Variants in SPAG9 observed in about 807,000 individuals in gnomAD.
The protein encoded by SPAG9 is sperm associated antigen 9.
A neutral mutation model predicts 166.5 loss-of-function variants in SPAG9; 35 were observed. The ratio of observed to expected loss-of-function variants is 0.21; its 90% CI spans 0.16 to 0.28. The LOEUF (loss-of-function observed/expected upper bound fraction) is 0.28, where lower values mean the gene tolerates loss of function less well. Ranked by LOEUF, SPAG9 falls within the 10% of genes least tolerant of loss-of-function variation. The pLI, the probability that SPAG9 is intolerant of heterozygous loss-of-function variation, is 1.00. For missense variants in SPAG9, 1,235 were observed against 1,603.3 expected (o/e 0.77, Z 3.92); for synonymous variants, 534 against 565.5 (o/e 0.94, Z 0.79).
intron 5 of SPAG9, among the ~76,000 whole-genome samples, chr17:51,036,251 T>C (rs2046579696): frequency 6.6e-6 from 1 of 152,126 alleles, no homozygotes; most frequent in Admixed American, 6.6e-5. Flanking sequence ...ACAATCACCA[T>C]TTTGAGTAGT....
chr17:50,986,996 A>T (rs529804519), intron 22 of SPAG9, 116 bp downstream of exon 22: 13 of 1,008,932 alleles, frequency 1.3e-5, no homozygotes, highest in Non-Finnish European at 1.4e-5. Context: ...TGTATATATA[A>T]AATTCTTTGC....
intron 2 of SPAG9, among the ~76,000 whole-genome samples, chr17:51,058,673 G>C (rs990559197): frequency 6.6e-6 from 1 of 152,134 alleles, no homozygotes; most frequent in African/African-American, 2.4e-5. Context: ...GCATCAAACT[G>C]CCAAGCAAAA....
intron 1 of SPAG9, among the ~76,000 whole-genome samples, chr17:51,115,114 C>T (rs2049246808): frequency 1.3e-5 from 2 of 152,268 alleles, no homozygotes; most frequent in South Asian, 4.1e-4. Context: ...TTTGTTACTG[C>T]TTTAAGTGCT....
At chr17:51,084,851 T>C (rs919971564) in intron 1 of SPAG9, among the ~76,000 whole-genome samples, 3 of 121,248 alleles carry the variant, frequency 2.5e-5, no homozygotes, top group African/African-American at 5.3e-5. Flanking sequence ...TTTTGCTTTT[T>C]ATTTATTTAT....
chr17:51,120,731 C>T lies in SPAG9; in HGVS notation c.-75G>A. On this transcript the variant is annotated 5_prime_UTR_variant, in exon 1 of 30. Transcript: ENST00000262013. The surrounding 1 kb of genome is among the most constrained non-coding windows in gnomAD (Gnocchi z 4.7). ...GGCACCTGCCCGCACGGGACGGACC[C>T]GACTCGGGCTGGGACGGGTACTAGG... 1 of 1,356,820 alleles carries T rather than the reference C, an allele frequency of 7.4e-7. No individual in the cohort carries two copies. The highest frequency in any genetic ancestry group is 2.5e-4 in the Middle Eastern group (1 of 3,966). The allele number at this position is 1,356,820 out of a possible 1,614,324, so 84.0% of individuals were successfully genotyped here. A position where few individuals can be genotyped will look rare whatever the true frequency, so the allele number is the denominator to read the frequency against.
At chr17:51,081,698 C>T (rs748866320) in intron 1 of SPAG9, among the ~76,000 whole-genome samples, 2 of 151,590 alleles carry the variant, frequency 1.3e-5, no homozygotes, top group African/African-American at 2.4e-5. Context: ...GCTGAGATCA[C>T]GCCATTGCAC....
intron 1 of SPAG9, among the ~76,000 whole-genome samples, chr17:51,111,528 T>C (rs1010366639): frequency 1.3e-5 from 2 of 152,306 alleles, no homozygotes; most frequent in Admixed American, 1.3e-4. Context: ...CAGTGAATAG[T>C]CAATCTACTA....
At chr17:51,090,366 C>A (rs2048432645) in intron 1 of SPAG9, among the ~76,000 whole-genome samples, 1 of 152,042 alleles carries the variant, frequency 6.6e-6, no homozygotes, top group Admixed American at 6.6e-5. Context: ...ACTAAAAATA[C>A]AAAAATTAGC....
At chr17:50,966,926 A>G (rs771541702) in intron 29 of SPAG9, among the ~76,000 whole-genome samples, 8 of 152,242 alleles carry the variant, frequency 5.3e-5, no homozygotes, top group African/African-American at 4.8e-5. Flanking sequence ...TGGCAGATTC[A>G]CCAGCTACTG....
rs1399352500 is a variant in SPAG9 at position 51,120,471 on chromosome 17, G to A, written c.186C>T (p.Asp62=). The A allele has an allele frequency of 3.1e-6, 5 of 1,614,008 alleles. No individual in the cohort carries two copies. The highest frequency in any genetic ancestry group is 1.1e-5 in the South Asian group (1 of 91,086). Reference sequence around the variant, plus strand: ...GCTCCTGGTCCTGCGCGAACACCGAGTCCAGGTTCTCCAGCACAGCCACCA... The same window carrying A: ...GCTCCTGGTCCTGCGCGAACACCGAATCCAGGTTCTCCAGCACAGCCACCA... ...PLVVAVLENL[D]SVFAQDQEHQ... Residue 62 remains aspartate, a synonymous_variant, in exon 1 of 30, where the codon GAC becomes GAT. Coordinates refer to ENST00000262013, the MANE Select transcript of SPAG9 (RefSeq NM_001130528.3). The surrounding 1 kb of genome is among the most constrained non-coding windows in gnomAD (Gnocchi z 4.7).
chr17:51,103,791 T>C (rs907299003), intron 1 of SPAG9, among the ~76,000 whole-genome samples: 1 of 152,164 alleles, frequency 6.6e-6, no homozygotes, highest in Non-Finnish European at 1.5e-5. Flanking sequence ...ATGGGCGGTT[T>C]ATAGGTTGGC....
At position 51,021,372 on chromosome 17, in the gene SPAG9, A is replaced by G. The variant is rs760990409; in HGVS notation, c.784-7T>C. 4.2e-5 allele frequency: 66 copies of G among 1,587,662 alleles called. No individual in the cohort carries two copies. The South Asian group carries it at 7.4e-4, about 18-fold the overall frequency. On this transcript the variant is annotated splice_polypyrimidine_tract_variant and splice_region_variant and intron_variant, in intron 6 of 29. Coordinates refer to ENST00000262013, the MANE Select transcript of SPAG9 (RefSeq NM_001130528.3). Reference sequence around the variant, plus strand: ...TAACATCAGAAAGCTCATCCTACAAATAAAAATAATTTAAAATAAAATTTT... The same window carrying G: ...TAACATCAGAAAGCTCATCCTACAAGTAAAAATAATTTAAAATAAAATTTT...
chr17:51,028,608 T>C (rs2046278336), intron 6 of SPAG9, among the ~76,000 whole-genome samples: 1 of 152,206 alleles, frequency 6.6e-6, no homozygotes, highest in Admixed American at 6.5e-5. Flanking sequence ...CTATACTGTC[T>C]AGGTTTGGGT....
chr17:51,061,163 A>G (rs2047504865), intron 2 of SPAG9, among the ~76,000 whole-genome samples: 1 of 152,066 alleles, frequency 6.6e-6, no homozygotes, highest in African/African-American at 2.4e-5. Context: ...GCTTTTATAT[A>G]AGATGTTTGT....
intron 4 of SPAG9, chr17:51,042,588 C>T (rs555275735): frequency 3.3e-5 from 5 of 152,290 alleles, no homozygotes; most frequent in African/African-American, 1.2e-4. Context: ...AAACAATGAG[C>T]TCATTAATTA....
At chr17:51,052,626 T>C (rs1374193342) in intron 3 of SPAG9, among the ~76,000 whole-genome samples, 1 of 147,538 alleles carries the variant, frequency 6.8e-6, no homozygotes, top group Non-Finnish European at 1.5e-5. Context: ...CCTCAAGGAA[T>C]AGAAATAGAC....
At chr17:51,034,825 C>T (rs972952754) in intron 5 of SPAG9, among the ~76,000 whole-genome samples, 3 of 152,140 alleles carry the variant, frequency 2.0e-5, no homozygotes, top group Non-Finnish European at 2.9e-5. Context: ...CACCAAGATA[C>T]TAGATTCTGT....
At chr17:51,107,555 G>C (rs2048987858) in intron 1 of SPAG9, among the ~76,000 whole-genome samples, 1 of 151,798 alleles carries the variant, frequency 6.6e-6, no homozygotes, top group South Asian at 2.1e-4. Flanking sequence ...TGGCCAATAT[G>C]GTAAAACCCC....
At chr17:51,109,174 T>C (rs924344398) in intron 1 of SPAG9, among the ~76,000 whole-genome samples, 3 of 152,270 alleles carry the variant, frequency 2.0e-5, no homozygotes, top group African/African-American at 7.2e-5. Flanking sequence ...TGTGCTAATT[T>C]TAAAACAAAA....
Sources: allele counts gnomAD v4.1 joint callset (sites outside exome capture counted in the v4.1 genomes callset), GRCh38; gene constraint gnomAD v4.1.1; non-coding constraint Gnocchi (gnomAD v3.1); transcripts MANE v1.5; gene names NCBI Gene and HGNC (gene_info 2026-07-23, HGNC 2026-07-21).